Variants in ATCAY observed in about 807,000 individuals in gnomAD.
ATCAY encodes caytaxin.
Under a neutral mutation model 47.7 loss-of-function variants are expected in ATCAY, and 22 were observed. That is an observed-to-expected ratio of 0.46 (90% CI 0.33 to 0.66). The LOEUF (loss-of-function observed/expected upper bound fraction) is 0.66. ATCAY is among the 30% of genes least tolerant of loss of function. ATCAY has a pLI of 0.02. For synonymous variants in ATCAY, 216 were observed against 207.6 expected (o/e 1.04, Z -0.35); for missense variants, 452 against 515.0 (o/e 0.88, Z 1.18).
At chr19:3,888,104 A>C in intron 2 of ATCAY, among the ~76,000 whole-genome samples, 1 of 127,186 alleles carries the variant, frequency 7.9e-6, no homozygotes, top group Non-Finnish European at 1.6e-5. Context: ...ACAGTGTGAG[A>C]CTCCGTCTCA....
At chr19:3,885,942 G>A (rs1030481104) in intron 2 of ATCAY, 98 bp downstream of exon 2, 18 of 1,242,094 alleles carry the variant, frequency 1.4e-5, no homozygotes, top group African/African-American at 3.0e-5. Flanking sequence ...AGTGGGAACC[G>A]CCCGGGGCTG....
chr19:3,915,845 A>C (rs2038962439), intron 9 of ATCAY, among the ~76,000 whole-genome samples: 1 of 148,672 alleles, frequency 6.7e-6, no homozygotes, highest in Admixed American at 6.8e-5. Context: ...GTGAGCCACC[A>C]CGCCTGGCCG....
In ATCAY at chr19:3,909,529, A is replaced by G; in HGVS notation, c.691A>G (p.Met231Val). 1 of 1,613,906 alleles carries G rather than the reference A, an allele frequency of 6.2e-7. No homozygotes were observed. The highest frequency in any genetic ancestry group is 8.5e-7 in the Non-Finnish European group (1 of 1,179,868). Residue 231 changes from methionine to valine, a missense_variant, in exon 7 of 13, where the codon ATG (methionine) becomes GTG (valine). Physicochemically the swap from Met to Val is conservative, Grantham distance 21. Transcript: ENST00000450849. Reference sequence around the variant, plus strand: ...AGAGCTCCTGGTGGCTGAGGACTACATGATCGTGTACCTGAACGGTGCCAC... The same window carrying G: ...AGAGCTCCTGGTGGCTGAGGACTACGTGATCGTGTACCTGAACGGTGCCAC... ...SLELLVAEDY[M>V]IVYLNGATPR...
rs769888776 is a variant in ATCAY at position 3,908,414 on chromosome 19, G to A, written c.647+44G>A. On this transcript the variant is annotated intron_variant, in intron 6 of 12. Coordinates refer to ENST00000450849, the MANE Select transcript of ATCAY (RefSeq NM_033064.5). ...CGAGCAGCCTCGGGCCAGCTCTGATGCCTCCCTGGCCACAGGGGCACCAGG... is the reference window on the plus strand; with the variant it reads ...CGAGCAGCCTCGGGCCAGCTCTGATACCTCCCTGGCCACAGGGGCACCAGG... The A allele has an allele frequency of 4.1e-6, 6 of 1,481,414 alleles. No homozygotes were observed. In the South Asian group the frequency reaches 4.8e-5, roughly 12 times the overall value. 91.8% of individuals were successfully genotyped at this position (1,481,414 alleles called of 1,614,324 possible).
intron 6 of ATCAY, 58 bp from the exon 7 acceptor site, chr19:3,909,428 G>T: frequency 1.3e-6 from 2 of 1,572,670 alleles, no homozygotes; most frequent in Non-Finnish European, 1.7e-6. Flanking sequence ...GGCACCGCAG[G>T]TGTCCTGACC....
intron 2 of ATCAY, among the ~76,000 whole-genome samples, chr19:3,890,933 G>A (rs987702531): frequency 6.6e-6 from 1 of 152,178 alleles, no homozygotes; most frequent in Non-Finnish European, 1.5e-5. Flanking sequence ...CCGCAAAACA[G>A]CTCACAATTC....
chr19:3,918,900 G>C, intron 11 of ATCAY, 23 bp downstream of exon 11: 3 of 1,613,678 alleles, frequency 1.9e-6, no homozygotes, highest in Non-Finnish European at 2.5e-6. Context: ...GGGACCATGG[G>C]CAGAGAGCTG....
chr19:3,910,079 ACT>A (rs1408778074), intron 7 of ATCAY, among the ~76,000 whole-genome samples: 1 of 151,928 alleles, frequency 6.6e-6, no homozygotes, highest in Admixed American at 6.6e-5. Context: ...ACAGAGCGAG[ACT>A]CTGTCCCCAT....
At chr19:3,918,384 C>CAA (rs59895158) in intron 10 of ATCAY, among the ~76,000 whole-genome samples, 1 of 140,782 alleles carries the variant, frequency 7.1e-6, no homozygotes, top group Non-Finnish European at 1.6e-5. Flanking sequence ...GACTCTGTCT[C>CAA]AAAAAAAAAA....
chr19:3,903,006 C>T (rs8107133), intron 3 of ATCAY, among the ~76,000 whole-genome samples: 18,119 of 152,156 alleles, frequency 0.12, 2,360 homozygotes, highest in African/African-American at 0.32. Flanking sequence ...CCGGGTCACA[C>T]TCTGTCATCC....
In ATCAY at chr19:3,907,931, C is replaced by T; in HGVS notation, c.544+12C>T. 13 of 1,609,166 alleles carry T rather than the reference C, an allele frequency of 8.1e-6. No individual in the cohort carries two copies. The highest frequency in any genetic ancestry group is 1.0e-5 in the Non-Finnish European group (12 of 1,177,806). ...GGTCACCCACGGAGGTGAGACCCGC[C>T]CCCCGGTGCCCCCTTGGGGCTCCAG... On this transcript the variant is annotated intron_variant, in intron 5 of 12. Coordinates refer to ENST00000450849, the MANE Select transcript of ATCAY (RefSeq NM_033064.5). The surrounding 1 kb of genome is among the most constrained non-coding windows in gnomAD (Gnocchi z 5.1).
chr19:3,920,775 G>C lies in ATCAY; in HGVS notation c.1083G>C (p.Leu361=). The C allele has an allele frequency of 1.2e-6, 2 of 1,613,734 alleles. No homozygotes were observed. The highest frequency in any genetic ancestry group is 1.7e-6 in the Non-Finnish European group (2 of 1,179,758). ...CGTCTCTCCTCCACAGGTCTGCTCTGGTCTCAGAAGATCAGGAAACAAGGT... is the reference window on the plus strand; with the variant it reads ...CGTCTCTCCTCCACAGGTCTGCTCTCGTCTCAGAAGATCAGGAAACAAGGT... ...EVAPVENRSA[L]VSEDQETSMS is the part of the protein sequence containing the mutation. The change falls in exon 12 of 13, where the codon CTG becomes CTC. Residue 361 remains leucine (L), a synonymous_variant. Transcript: ENST00000450849.
intron 9 of ATCAY, among the ~76,000 whole-genome samples, chr19:3,914,775 C>T (rs553137174): frequency 4.0e-5 from 6 of 151,154 alleles, no homozygotes; most frequent in Non-Finnish European, 5.9e-5. Flanking sequence ...GAGCCGAGAT[C>T]GCACCACTGC....
chr19:3,919,017 C>G, intron 11 of ATCAY, 140 bp downstream of exon 11: 1 of 1,016,432 alleles, frequency 9.8e-7, no homozygotes, highest in Non-Finnish European at 1.5e-6. Flanking sequence ...GTGGCTCACG[C>G]CTGTAATCCC....
chr19:3,911,930 C>T (rs961455327), intron 8 of ATCAY, among the ~76,000 whole-genome samples: 1 of 152,134 alleles, frequency 6.6e-6, no homozygotes. Context: ...GGCTTATTTG[C>T]ATATTAGCGA....
At chr19:3,922,457 A>G (rs1468514145) in intron 12 of ATCAY, among the ~76,000 whole-genome samples, 1 of 152,202 alleles carries the variant, frequency 6.6e-6, no homozygotes, top group Non-Finnish European at 1.5e-5. Flanking sequence ...CACTACCACG[A>G]GAACAGCATG....
In ATCAY at chr19:3,887,737, C is replaced by T. The variant is rs530557532; in HGVS notation, c.77+1893C>T. Among the ~76,000 whole-genome samples, 15 of 150,446 alleles carry T rather than the reference C, an allele frequency of 1.0e-4. No homozygotes were observed. The East Asian group carries it at 1.2e-3, about 12-fold the overall frequency. ...GTCTGACCTCGTGATCCGCCCACCT[C>T]GGCCTCCCAAAGTGCTGGGATTACA... is the stretch of plus-strand genomic sequence containing the variant. On this transcript the variant is annotated intron_variant, in intron 2 of 12. Coordinates refer to ENST00000450849, the MANE Select transcript of ATCAY (RefSeq NM_033064.5).
intron 2 of ATCAY, chr19:3,893,626 C>T (rs1178447377): frequency 6.6e-6 from 1 of 152,230 alleles, no homozygotes; most frequent in Non-Finnish European, 1.5e-5. Flanking sequence ...GCGGAAGTAA[C>T]AGGATCTCAC....
intron 6 of ATCAY, 60 bp downstream of exon 6, chr19:3,908,430 G>A: frequency 7.0e-7 from 1 of 1,421,774 alleles, no homozygotes; most frequent in Non-Finnish European, 9.7e-7. Context: ...CTGGCCACAG[G>A]GGCACCAGGC....
Sources: allele counts gnomAD v4.1 joint callset (sites outside exome capture counted in the v4.1 genomes callset), GRCh38; gene constraint gnomAD v4.1.1; non-coding constraint Gnocchi (gnomAD v3.1); transcripts MANE v1.5; gene names NCBI Gene and HGNC (gene_info 2026-07-23, HGNC 2026-07-21).